The following BORCS5 variants were observed in gnomAD, a reference collection of about 807,000 sequenced individuals.
BORCS5 encodes BLOC-1 related complex subunit 5.
BORCS5 carries 17 observed loss-of-function variants against 22.1 expected under a neutral mutation model. The ratio of observed to expected loss-of-function variants is 0.77; its 90% CI spans 0.53 to 1.15. The LOEUF is 1.15. BORCS5 is among the 50% of genes most tolerant of loss of function. The probability of loss-of-function intolerance (pLI) is 0.00; values close to 1 mark genes in which losing one functional copy is unlikely to be tolerated. For missense variants in BORCS5, 247 were observed against 253.2 expected (o/e 0.98, Z 0.17); for synonymous variants, 117 against 99.8 (o/e 1.17, Z -1.03).
chr12:12,421,246 G>T (rs1225082642), intron 2 of BORCS5, among the ~76,000 whole-genome samples: 4 of 152,268 alleles, frequency 2.6e-5, no homozygotes, highest in African/African-American at 9.6e-5. Context: ...TTTATTGAGA[G>T]TTTTTAGCAT....
At position 12,410,808 on chromosome 12, in the gene BORCS5, T is replaced by C. The variant is rs534294867; in HGVS notation, c.203-24820T>C. 1.1e-3 allele frequency among the ~76,000 whole-genome samples: 167 copies of C among 152,332 alleles called. 1 individual carries two copies. Among genetic ancestry groups the C allele is most frequent in the African/African-American group, 3.5e-3 (144 of 41,568 alleles). ...TGGGGATGGCATTGAATCTATAAATTACCTTGGGCAGTATGGCCATTTTCA... is the reference window on the plus strand; with the variant it reads ...TGGGGATGGCATTGAATCTATAAATCACCTTGGGCAGTATGGCCATTTTCA... On this transcript the variant is annotated intron_variant, in intron 2 of 3. Transcript: ENST00000314565.
rs143068151 is a variant in BORCS5, at chr12:12,451,996, A to G, written c.361-13550A>G. On this transcript the variant is annotated intron_variant, in intron 3 of 3. Transcript: ENST00000314565. ...TGATTTTACACAGCTTTTATACAGT[A>G]CCTTGACTTAAATCCAAGAGCAAAA... The G allele has an allele frequency of 3.9e-4, 122 of 314,056 alleles. No individual in the cohort carries two copies. The East Asian group carries it at 9.4e-3, about 24-fold the overall frequency. The allele number at this position is 314,056 out of a possible 1,614,324, so 19.5% of individuals were successfully genotyped here.
intron 2 of BORCS5, among the ~76,000 whole-genome samples, chr12:12,410,696 A>T (rs1248039916): frequency 1.3e-5 from 2 of 152,006 alleles, no homozygotes; most frequent in Non-Finnish European, 2.9e-5. Flanking sequence ...CTTAGGATTG[A>T]CTTGGCAACA....
intron 2 of BORCS5, among the ~76,000 whole-genome samples, chr12:12,427,220 G>T (rs534818487): frequency 7.1e-4 from 92 of 129,398 alleles, no homozygotes; most frequent in African/African-American, 2.7e-3. Flanking sequence ...TCGCACTCTC[G>T]TCCAGGCTGG....
intron 2 of BORCS5, among the ~76,000 whole-genome samples, chr12:12,382,536 T>A (rs1006501707): frequency 2.6e-4 from 30 of 116,628 alleles, no homozygotes; most frequent in African/African-American, 1.7e-3. Context: ...GTATATATCT[T>A]TTTTTTTTTT....
intron 1 of BORCS5, among the ~76,000 whole-genome samples, chr12:12,359,728 G>C (rs556572819): frequency 6.6e-6 from 1 of 151,332 alleles, no homozygotes; most frequent in African/African-American, 2.4e-5. Flanking sequence ...CCAGTCATTC[G>C]GGGGTTGAGA....
rs367676153 is a variant in BORCS5, at chr12:12,433,930, A to G, written c.203-1698A>G. Among the ~76,000 whole-genome samples the G allele has an allele frequency of 1.4e-4, 21 of 152,230 alleles. No individual in the cohort carries two copies. The East Asian group carries it at 1.7e-3, about 13-fold the overall frequency. Reference sequence around the variant, plus strand: ...GGAGAGAATACTGGCTTCAGCTCTAATATATCAGAACAGTGTGGTGTGGAT... The same window carrying G: ...GGAGAGAATACTGGCTTCAGCTCTAGTATATCAGAACAGTGTGGTGTGGAT... On this transcript the variant is annotated intron_variant, in intron 2 of 3. Transcript: ENST00000314565.
chr12:12,445,681 C>T (rs1433132821), intron 3 of BORCS5, among the ~76,000 whole-genome samples: 1 of 150,810 alleles, frequency 6.6e-6, no homozygotes, highest in African/African-American at 2.4e-5. Context: ...TCACTTAGGC[C>T]AGAGTGCAGT....
At chr12:12,446,228 T>C (rs1942786538) in intron 3 of BORCS5, among the ~76,000 whole-genome samples, 1 of 150,916 alleles carries the variant, frequency 6.6e-6, no homozygotes, top group African/African-American at 2.4e-5. Flanking sequence ...AAAAATAAGA[T>C]AGATGGCATG....
intron 3 of BORCS5, among the ~76,000 whole-genome samples, chr12:12,454,541 A>G (rs1942966367): frequency 6.6e-6 from 1 of 152,218 alleles, no homozygotes; most frequent in African/African-American, 2.4e-5. Flanking sequence ...GTACTGATTT[A>G]TATAGTTAGG....
chr12:12,443,171 G>A (rs890746122), intron 3 of BORCS5, among the ~76,000 whole-genome samples: 2 of 152,204 alleles, frequency 1.3e-5, no homozygotes, highest in Admixed American at 6.5e-5. Flanking sequence ...TTAGAGTCCT[G>A]TGGCCGCTTT....
chr12:12,461,569 C>T (rs1474994063), intron 3 of BORCS5, among the ~76,000 whole-genome samples: 2 of 152,180 alleles, frequency 1.3e-5, no homozygotes, highest in Non-Finnish European at 2.9e-5. Flanking sequence ...TCATCTCTCT[C>T]AGGCCTGGTC....
intron 2 of BORCS5, among the ~76,000 whole-genome samples, chr12:12,377,926 A>G (rs577362563): frequency 1.3e-5 from 2 of 152,346 alleles, no homozygotes; most frequent in South Asian, 4.1e-4. Flanking sequence ...TTTAGGTTTA[A>G]TATTTTTTAG....
At chr12:12,357,591 A>T (rs1863173181) in intron 1 of BORCS5, 82 bp downstream of exon 1, 1 of 1,455,256 alleles carries the variant, frequency 6.9e-7, no homozygotes, top group East Asian at 2.4e-5. Flanking sequence ...AGGGTCAGGG[A>T]CTGCGGACGG....
chr12:12,393,264 G>A (rs1363762819), intron 2 of BORCS5, among the ~76,000 whole-genome samples: 1 of 151,772 alleles, frequency 6.6e-6, no homozygotes, highest in Non-Finnish European at 1.5e-5. Flanking sequence ...AAGGTTTCTG[G>A]ACAATGACTT....
chr12:12,383,132 A>AT (rs999057020), intron 2 of BORCS5, among the ~76,000 whole-genome samples: 8 of 150,172 alleles, frequency 5.3e-5, no homozygotes, highest in Non-Finnish European at 1.0e-4. Context: ...TGTTCCATTG[A>AT]TTTTTTTTAA....
At chr12:12,411,563 C>A (rs1941733732) in intron 2 of BORCS5, among the ~76,000 whole-genome samples, 1 of 151,944 alleles carries the variant, frequency 6.6e-6, no homozygotes, top group Non-Finnish European at 1.5e-5. Flanking sequence ...TGTGGGCTGC[C>A]TTTTTACTCT....
At chr12:12,441,223 A>G (rs1942676628) in intron 3 of BORCS5, among the ~76,000 whole-genome samples, 1 of 152,204 alleles carries the variant, frequency 6.6e-6, no homozygotes, top group Admixed American at 6.5e-5. Context: ...GACTGGGTAC[A>G]GTAATGAGTG....
chr12:12,450,484 G>A (rs1185358286), intron 3 of BORCS5, among the ~76,000 whole-genome samples: 1 of 152,118 alleles, frequency 6.6e-6, no homozygotes, highest in Non-Finnish European at 1.5e-5. Flanking sequence ...TTTTGTAATT[G>A]TCCATGTTTT....
Sources: allele counts gnomAD v4.1 joint callset (sites outside exome capture counted in the v4.1 genomes callset), GRCh38; gene constraint gnomAD v4.1.1; transcripts MANE v1.5; gene names NCBI Gene and HGNC (gene_info 2026-07-23, HGNC 2026-07-21).